The following PSMC6 variants were observed in gnomAD, a reference collection of about 807,000 sequenced individuals.
PSMC6 encodes proteasome 26S subunit, ATPase 6, also known as 26S proteasome regulatory subunit 10B.
PSMC6 carries 3 observed loss-of-function variants against 55.9 expected under a neutral mutation model. The observed-to-expected ratio is 0.05, with a 90% CI of 0.02 to 0.14. The LOEUF is 0.14. Ranked by LOEUF, PSMC6 falls within the 10% of genes least tolerant of loss-of-function variation. The pLI is 1.00. For synonymous variants in PSMC6, 137 were observed against 155.9 expected, an observed-to-expected ratio of 0.88 and a Z score of 0.90; for missense variants, 210 against 478.7, an observed-to-expected ratio of 0.44 and a Z score of 5.24.
intron 7 of PSMC6, 123 bp downstream of exon 7, chr14:52,714,091 A>T: frequency 1.7e-6 from 1 of 586,078 alleles, no homozygotes; most frequent in South Asian, 2.7e-5. Context: ...CCCAGGCTGT[A>T]GTGCAGTGGC....
At chr14:52,718,444 A>G in intron 9 of PSMC6, 92 bp downstream of exon 9, 4 of 1,307,620 alleles carry the variant, frequency 3.1e-6, no homozygotes, top group South Asian at 1.4e-5. Flanking sequence ...TGTGACTTGT[A>G]TGAAGTAGAT....
intron 7 of PSMC6, among the ~76,000 whole-genome samples, chr14:52,715,324 C>T (rs1425777814): frequency 6.6e-6 from 1 of 152,150 alleles, no homozygotes; most frequent in African/African-American, 2.4e-5. Context: ...ATTTAAGTTG[C>T]CAGCTGAATT....
chr14:52,708,098 G>A (rs981698450), intron 1 of PSMC6, among the ~76,000 whole-genome samples: 11 of 152,184 alleles, frequency 7.2e-5, no homozygotes, highest in Non-Finnish European at 1.5e-4. Flanking sequence ...GATCAACAAA[G>A]TAAAAGTATG....
rs2041730553 is a variant in PSMC6, at chr14:52,708,577, CT to C, written c.205+59del. The C allele has an allele frequency of 1.1e-5, 17 of 1,568,466 alleles. 1 individual carries two copies. Among genetic ancestry groups the C allele is most frequent in the Non-Finnish European group, 1.5e-5 (17 of 1,144,790 alleles). ...AAAGAAACAGTCCACCTCTCTCTCA[CT>C]TTTGAAATGCTTATTATTTTAATGA... On this transcript the variant is annotated intron_variant, in intron 3 of 13. Coordinates refer to ENST00000445930, the MANE Select transcript of PSMC6 (RefSeq NM_002806.5).
chr14:52,719,209 T>C (rs2041862894), intron 10 of PSMC6, among the ~76,000 whole-genome samples, 171 bp downstream of exon 10: 1 of 152,232 alleles, frequency 6.6e-6, no homozygotes, highest in South Asian at 2.1e-4. Context: ...AGAAAATGAC[T>C]ACTGGAAAAT....
chr14:52,711,729 G>C (rs925404552), intron 6 of PSMC6, among the ~76,000 whole-genome samples: 1 of 152,112 alleles, frequency 6.6e-6, no homozygotes, highest in Non-Finnish European at 1.5e-5. Flanking sequence ...AGATAATTTG[G>C]TGTTAGAAAA....
intron 13 of PSMC6, among the ~76,000 whole-genome samples, chr14:52,725,280 C>G (rs565183920): frequency 7.1e-4 from 108 of 152,142 alleles, no homozygotes; most frequent in Middle Eastern, 3.4e-3. Context: ...GCTTTTTTTC[C>G]TTACATATTC....
At chr14:52,707,376 T>A in intron 1 of PSMC6, 72 bp downstream of exon 1, 1 of 1,589,870 alleles carries the variant, frequency 6.3e-7, no homozygotes. Flanking sequence ...CAGAAGCCTT[T>A]CGCCGAGCCC....
chr14:52,726,244 C>T (rs1193772203), intron 13 of PSMC6, among the ~76,000 whole-genome samples: 1 of 152,190 alleles, frequency 6.6e-6, no homozygotes, highest in Non-Finnish European at 1.5e-5. Context: ...ACTTTTACCC[C>T]TTTGTCAAAT....
chr14:52,711,327 C>T, intron 5 of PSMC6, 83 bp from the exon 6 acceptor site: 1 of 1,343,688 alleles, frequency 7.4e-7, no homozygotes, highest in Non-Finnish European at 1.0e-6. Flanking sequence ...CAGGTGCTTG[C>T]TTGAGCAAGT....
At chr14:52,721,385 C>T (rs953583727) in intron 12 of PSMC6, 195 bp downstream of exon 12, 1 of 491,194 alleles carries the variant, frequency 2.0e-6, no homozygotes, top group Non-Finnish European at 3.6e-6. Flanking sequence ...GACAATATAG[C>T]AAGGAACAAA....
rs2041801145 is a variant in PSMC6 at position 52,713,866 on chromosome 14, T to A, written c.442-15T>A. Reference sequence around the variant, plus strand: ...CTTGACTAACTTTTTAAGAAAGATTTAACTTCTTTTCTAGGTGATAGAATT... The same window carrying A: ...CTTGACTAACTTTTTAAGAAAGATTAAACTTCTTTTCTAGGTGATAGAATT... On this transcript the variant is annotated splice_polypyrimidine_tract_variant and intron_variant, in intron 6 of 13. Coordinates refer to ENST00000445930, the MANE Select transcript of PSMC6 (RefSeq NM_002806.5). 1 of 1,508,006 alleles carries A rather than the reference T, an allele frequency of 6.6e-7. No individual in the cohort carries two copies. Among genetic ancestry groups the A allele is most frequent in the Non-Finnish European group, 9.1e-7 (1 of 1,099,616 alleles). The allele number at this position is 1,508,006 out of a possible 1,614,324, so 93.4% of individuals were successfully genotyped here.
chr14:52,727,053 G>A (rs1454334938), intron 13 of PSMC6, among the ~76,000 whole-genome samples: 8 of 115,926 alleles, frequency 6.9e-5, no homozygotes, highest in African/African-American at 1.7e-4. Flanking sequence ...ATGGGGTCTC[G>A]CTCTGTTGCC....
At chr14:52,725,364 C>G (rs1172744985) in intron 13 of PSMC6, among the ~76,000 whole-genome samples, 4 of 152,080 alleles carry the variant, frequency 2.6e-5, no homozygotes, top group Non-Finnish European at 4.4e-5. Context: ...TCTTTTTTAA[C>G]TAGGTGGGAC....
chr14:52,716,630 G>A (rs534577735), intron 7 of PSMC6, among the ~76,000 whole-genome samples: 3 of 152,226 alleles, frequency 2.0e-5, no homozygotes, highest in East Asian at 1.9e-4. Flanking sequence ...GTTCATGCCT[G>A]TAATCCCAGC....
intron 13 of PSMC6, among the ~76,000 whole-genome samples, chr14:52,724,996 A>T (rs912876290): frequency 1.3e-5 from 2 of 152,218 alleles, no homozygotes; most frequent in Non-Finnish European, 2.9e-5. Context: ...GTGAGTCAGT[A>T]TCTGCATCAG....
chr14:52,714,880 A>AAG (rs2041813564), intron 7 of PSMC6, among the ~76,000 whole-genome samples: 1 of 151,166 alleles, frequency 6.6e-6, no homozygotes, highest in Non-Finnish European at 1.5e-5. Flanking sequence ...AAAAAAAAAA[A>AAG]AAAAAAAATT....
intron 7 of PSMC6, 21 bp from the exon 8 acceptor site, chr14:52,718,060 G>A: frequency 1.2e-6 from 2 of 1,610,258 alleles, no homozygotes; most frequent in Non-Finnish European, 1.7e-6. Context: ...ATCTAATTAA[G>A]ACTTCTTTTG....
intron 6 of PSMC6, among the ~76,000 whole-genome samples, chr14:52,713,261 A>G (rs932197405): frequency 6.6e-6 from 1 of 152,208 alleles, no homozygotes; most frequent in Non-Finnish European, 1.5e-5. Context: ...TACTGGTACT[A>G]TAAGTAATTT....
Sources: gnomAD v4.1 joint callset for allele counts (sites outside exome capture counted in the v4.1 genomes callset) on GRCh38, gnomAD v4.1.1 for gene constraint, MANE v1.5 for transcripts, NCBI Gene and HGNC (gene_info 2026-07-23, HGNC 2026-07-21) for gene names.